TASOR: variants seen among roughly 807,000 people sequenced by gnomAD.
The protein encoded by TASOR is transcription activation suppressor, also known as protein TASOR.
TASOR carries 53 observed loss-of-function variants against 178.6 expected under a neutral mutation model. The ratio of observed to expected loss-of-function variants is 0.30; its 90% CI spans 0.24 to 0.37. The LOEUF is 0.37. TASOR is among the 10% of genes least tolerant of loss of function. TASOR has a pLI of 1.00. For missense variants in TASOR, 1,815 were observed against 1,971.4 expected (o/e 0.92, Z 1.50); for synonymous variants, 713 against 696.2 (o/e 1.02, Z -0.38).
At chr3:56,661,058 T>C (rs2077583430) in intron 9 of TASOR, 41 bp from the exon 10 acceptor site, 2 of 1,369,036 alleles carry the variant, frequency 1.5e-6, no homozygotes, top group East Asian at 4.6e-5. Context: ...TTATCTGTAT[T>C]TTCAACTCTA....
At chr3:56,657,247 G>T (rs6788512) in intron 11 of TASOR, among the ~76,000 whole-genome samples, 7,360 of 148,606 alleles carry the variant, frequency 0.05, 187 homozygotes, top group East Asian at 0.091. Flanking sequence ...GGAATCACTT[G>T]AACTCAGGAG....
intron 1 of TASOR, among the ~76,000 whole-genome samples, chr3:56,678,337 A>C (rs2031500699): frequency 6.6e-6 from 1 of 151,692 alleles, no homozygotes; most frequent in African/African-American, 2.4e-5. Flanking sequence ...ACCCACCACC[A>C]GGCCCAGCTA....
chr3:56,665,037 T>C (rs374823377), intron 7 of TASOR, among the ~76,000 whole-genome samples: 1 of 152,136 alleles, frequency 6.6e-6, no homozygotes, highest in African/African-American at 2.4e-5. Flanking sequence ...CCAGACATGA[T>C]GGTGCATGCC....
In TASOR at chr3:56,653,283, AAAAAAAG is replaced by A. The variant is rs1209692685; in HGVS notation, c.1369-4233_1369-4227del. Among the ~76,000 whole-genome samples, 173 of 104,826 alleles carry A rather than the reference AAAAAAAG, an allele frequency of 1.7e-3. 21 individuals are homozygous for A. The highest frequency in any genetic ancestry group is 0.01 in the African/African-American group (157 of 15,252). The allele number at this position is 104,826 out of a possible 152,430, so 68.8% of individuals were successfully genotyped here. On this transcript the variant is annotated intron_variant, in intron 11 of 23. Coordinates refer to ENST00000683822, the MANE Select transcript of TASOR (RefSeq NM_001365635.2). ...ATCTCAAAAAAAAAAAAAAAAAAAA[AAAAAAAG>A]AAAAGACAAGCTAAAGAAAATGAGG...
At chr3:56,652,493 GC>G in intron 11 of TASOR, among the ~76,000 whole-genome samples, 1 of 151,086 alleles carries the variant, frequency 6.6e-6, no homozygotes, top group Non-Finnish European at 1.5e-5. Context: ...AGTCGAGGGT[GC>G]AGTGAGCCAG....
Position 56,621,185 on chromosome 3 carries a change from A to AC in TASOR, c.*1851_*1852insG, listed in dbSNP as rs796773946. ...AAAAAAAAACAAAACAACAACAACA[A>AC]AAAAAAAACACTGTATGTTAAGGGA... On this transcript the variant is annotated 3_prime_UTR_variant, in exon 24 of 24. Transcript: ENST00000683822. 662 of 160,518 alleles carry AC rather than the reference A, an allele frequency of 4.1e-3. 2 individuals carry two copies. Among genetic ancestry groups the AC allele is most frequent in the African/African-American group, 6.7e-3 (279 of 41,392 alleles). The allele number at this position is 160,518 out of a possible 1,614,324, so 9.9% of individuals were successfully genotyped here. A position where few individuals can be genotyped will look rare whatever the true frequency, so the allele number is the denominator to read the frequency against.
At chr3:56,624,708 C>T in intron 22 of TASOR, 65 bp from the exon 23 acceptor site, 1 of 1,552,468 alleles carries the variant, frequency 6.4e-7, no homozygotes, top group Non-Finnish European at 8.7e-7. Flanking sequence ...CTAGCCCTCA[C>T]AAAATCTTTT....
At position 56,682,800 on chromosome 3, in the gene TASOR, G is replaced by A; in HGVS notation, c.207C>T (p.Leu69=). 4 of 1,550,486 alleles carry A rather than the reference G, an allele frequency of 2.6e-6. No individual in the cohort carries two copies. The highest frequency in any genetic ancestry group is 2.6e-6 in the Non-Finnish European group (3 of 1,146,354). Residue 69 remains leucine (L), a synonymous_variant, in exon 1 of 24, where the codon CTC becomes CTT. Transcript: ENST00000683822. ...AGGAGTCCTGAGGCTGCTCGTGGCT[G>A]AGGCTCTGGGCGGCCTCGGCCCCCG... The part of the protein sequence containing the change: ...ENAGAEAAQS[L]SHEQPQDSSE...
Position 56,624,817 on chromosome 3 carries a change from GCT to G in TASOR, c.4318+9_4318+10del. On this transcript the variant is annotated intron_variant, in intron 22 of 23. Coordinates refer to ENST00000683822, the MANE Select transcript of TASOR (RefSeq NM_001365635.2). ...TATTCATAGTAGAAAGCTTAGGAGT[GCT>G]CTCTTTACCTGTTAAAAAGACTATG... The G allele has an allele frequency of 1.9e-6, 3 of 1,612,714 alleles. No homozygotes were observed. Among genetic ancestry groups the G allele is most frequent in the Non-Finnish European group, 2.5e-6 (3 of 1,179,174 alleles).
At chr3:56,638,817 T>A in intron 16 of TASOR, 52 bp from the exon 17 acceptor site, 1 of 1,565,644 alleles carries the variant, frequency 6.4e-7, no homozygotes, top group Non-Finnish European at 8.8e-7. Flanking sequence ...ATACCTACAC[T>A]AAGCACCTTT....
intron 1 of TASOR, among the ~76,000 whole-genome samples, chr3:56,674,984 A>T (rs1183087750): frequency 1.3e-5 from 2 of 151,832 alleles, no homozygotes; most frequent in Non-Finnish European, 2.9e-5. Flanking sequence ...ACACCCGGCT[A>T]ATTTTTGTGT....
chr3:56,659,874 CTTT>C (rs1368092558), intron 11 of TASOR, among the ~76,000 whole-genome samples: 1 of 151,634 alleles, frequency 6.6e-6, no homozygotes, highest in Non-Finnish European at 1.5e-5. Context: ...CTTGGATTTT[CTTT>C]TTTCTTTTTT....
At chr3:56,647,619 T>C (rs2077262680) in intron 13 of TASOR, among the ~76,000 whole-genome samples, 1 of 152,190 alleles carries the variant, frequency 6.6e-6, no homozygotes, top group Admixed American at 6.5e-5. Context: ...CTTCCTCTTA[T>C]AAAGTAGTAA....
chr3:56,674,018 T>A (rs1251752779), intron 1 of TASOR, among the ~76,000 whole-genome samples: 2 of 152,108 alleles, frequency 1.3e-5, no homozygotes, highest in Non-Finnish European at 2.9e-5. Flanking sequence ...CTAAATTGCT[T>A]AAAGACTCTT....
At chr3:56,681,650 CAAAGT>C (rs2031797983) in intron 1 of TASOR, among the ~76,000 whole-genome samples, 1 of 151,900 alleles carries the variant, frequency 6.6e-6, no homozygotes, top group South Asian at 2.1e-4. Flanking sequence ...TATTTTTTTC[CAAAGT>C]AAATAATGAA....
At chr3:56,629,543 G>A (rs1432144400) in intron 18 of TASOR, among the ~76,000 whole-genome samples, 2 of 152,162 alleles carry the variant, frequency 1.3e-5, no homozygotes, top group Non-Finnish European at 2.9e-5. Context: ...AGCCATTTCT[G>A]TCAAGTTTCT....
At position 56,624,543 on chromosome 3, in the gene TASOR, G is replaced by GT; in HGVS notation, c.4418dup (p.His1473GlnfsTer15). Reference sequence around the variant, plus strand: ...GAAGGTTTTCTTCTGTGATTGAATTGTGATAGCCCACAAGATTTTTAAAGT... The same window carrying GT: ...GAAGGTTTTCTTCTGTGATTGAATTGTTGATAGCCCACAAGATTTTTAAAGT... On this transcript the variant is annotated frameshift_variant, in exon 23 of 24. Coordinates refer to ENST00000683822, the MANE Select transcript of TASOR (RefSeq NM_001365635.2). LOFTEE classifies it high-confidence loss of function. 6.2e-7 allele frequency: 1 copy of GT among 1,614,098 alleles called. No homozygotes were observed. The highest frequency in any genetic ancestry group is 8.5e-7 in the Non-Finnish European group (1 of 1,179,968).
chr3:56,644,118 C>T (rs1389648746), intron 14 of TASOR, among the ~76,000 whole-genome samples: 1 of 152,164 alleles, frequency 6.6e-6, no homozygotes, highest in East Asian at 1.9e-4. Context: ...AGTTTGTTGT[C>T]AACAATGCTT....
chr3:56,666,614 C>CA (rs2107621388), intron 6 of TASOR, among the ~76,000 whole-genome samples: 1 of 151,966 alleles, frequency 6.6e-6, no homozygotes, highest in African/African-American at 2.4e-5. Flanking sequence ...CTAACTATTC[C>CA]AAAAGTTTAC....
Sources: allele counts gnomAD v4.1 joint callset (sites outside exome capture counted in the v4.1 genomes callset), GRCh38; gene constraint gnomAD v4.1.1; transcripts MANE v1.5; gene names NCBI Gene and HGNC (gene_info 2026-07-23, HGNC 2026-07-21).